The following CSNK1G3 variants were observed in gnomAD, a reference collection of about 807,000 sequenced individuals.
CSNK1G3 encodes casein kinase I isoform gamma-3.
A neutral mutation model predicts 64.3 loss-of-function variants in CSNK1G3; 23 were observed. The observed-to-expected ratio is 0.36, with a 90% CI of 0.26 to 0.51. The LOEUF is 0.51. CSNK1G3 is among the 20% of genes least tolerant of loss of function. The probability of loss-of-function intolerance (pLI) is 0.96; values close to 1 mark genes in which losing one functional copy is unlikely to be tolerated. For synonymous variants in CSNK1G3, 158 were observed against 162.2 expected, an observed-to-expected ratio of 0.97 and a Z score of 0.20; for missense variants, 357 against 510.5, an observed-to-expected ratio of 0.70 and a Z score of 2.90.
chr5:123,593,067 A>G (rs886788545), intron 10 of CSNK1G3, among the ~76,000 whole-genome samples: 13 of 152,018 alleles, frequency 8.6e-5, no homozygotes, highest in African/African-American at 3.1e-4. Context: ...TTATAAATCT[A>G]ATGTTTTAGA....
chr5:123,598,070 A>T (rs1793767961), intron 10 of CSNK1G3, among the ~76,000 whole-genome samples: 2 of 152,192 alleles, frequency 1.3e-5, no homozygotes, highest in South Asian at 4.1e-4. Flanking sequence ...GTCACTAGCT[A>T]AAAAGATACA....
intron 4 of CSNK1G3, among the ~76,000 whole-genome samples, chr5:123,563,694 A>G (rs1259529974): frequency 6.6e-6 from 1 of 152,052 alleles, no homozygotes; most frequent in Non-Finnish European, 1.5e-5. Flanking sequence ...AACTGATTTA[A>G]TTCACAGTTA....
chr5:123,585,349 C>T (rs192636771), intron 6 of CSNK1G3, among the ~76,000 whole-genome samples: 38 of 151,324 alleles, frequency 2.5e-4, no homozygotes, highest in Admixed American at 1.1e-3. Context: ...AATGTAGGAA[C>T]CATAACTATA....
At chr5:123,595,758 CT>C (rs1793321817) in intron 10 of CSNK1G3, among the ~76,000 whole-genome samples, 2 of 151,736 alleles carry the variant, frequency 1.3e-5, no homozygotes, top group South Asian at 4.2e-4. Context: ...TTCTTTTCAC[CT>C]TTTTTATACA....
chr5:123,604,715 T>A lies in CSNK1G3; in HGVS notation c.1087-9T>A, dbSNP rs773216106. 6.3e-7 allele frequency: 1 copy of A among 1,595,046 alleles called. No individual in the cohort carries two copies. The highest frequency in any genetic ancestry group is 1.7e-5 in the Admixed American group (1 of 58,450). ...ATATACATATATAAAAAATTTTTTT[T>A]TCAAACAGGTTGTAAGTTCTACAAA... On this transcript the variant is annotated splice_polypyrimidine_tract_variant and intron_variant, in intron 10 of 12. Transcript: ENST00000345990.
intron 8 of CSNK1G3, among the ~76,000 whole-genome samples, chr5:123,589,729 G>A (rs1791991486): frequency 6.6e-6 from 1 of 151,960 alleles, no homozygotes; most frequent in Non-Finnish European, 1.5e-5. Context: ...GTTTTTGCAT[G>A]TATTAGATAC....
At chr5:123,545,989 G>T in intron 2 of CSNK1G3, 148 bp downstream of exon 2, 1 of 742,018 alleles carries the variant, frequency 1.3e-6, no homozygotes, top group South Asian at 1.9e-5. Flanking sequence ...AATTTCTTTT[G>T]TAGTTGTATT....
intron 5 of CSNK1G3, among the ~76,000 whole-genome samples, chr5:123,573,934 C>G (rs1788624313): frequency 2.7e-5 from 4 of 150,768 alleles, no homozygotes; most frequent in African/African-American, 9.8e-5. Flanking sequence ...ACTGCAACCT[C>G]TGCCTCCCGG....
chr5:123,588,615 G>A (rs1791761346), intron 8 of CSNK1G3, 104 bp downstream of exon 8: 2 of 752,478 alleles, frequency 2.7e-6, no homozygotes, highest in Non-Finnish European at 4.4e-6. Context: ...AAAAAAAAAA[G>A]AGCTAAAAAT....
intron 3 of CSNK1G3, among the ~76,000 whole-genome samples, chr5:123,555,320 T>G (rs976810888): frequency 1.3e-5 from 2 of 152,212 alleles, no homozygotes; most frequent in Non-Finnish European, 2.9e-5. Flanking sequence ...TCACATACAT[T>G]GTTGAATGAT....
rs543353839 is a variant in CSNK1G3 at position 123,609,881 on chromosome 5, T to G, written c.1218-4461T>G. ...TAATGCTTTAGTCAATGGAGAATCA[T>G]TGATGAGATTTGAGAGGAAAAGGGC... is the stretch of plus-strand genomic sequence containing the variant. On this transcript the variant is annotated intron_variant, in intron 12 of 12. Transcript: ENST00000345990. Among the ~76,000 whole-genome samples the G allele has an allele frequency of 2.2e-5, 3 of 136,304 alleles. No individual in the cohort carries two copies. The South Asian group carries it at 8.0e-4, about 36-fold the overall frequency. The allele number at this position is 136,304 out of a possible 152,430, so 89.4% of individuals were successfully genotyped here.
Position 123,581,534 on chromosome 5 carries a change from A to G in CSNK1G3, c.673+5571A>G, listed in dbSNP as rs142687183. ...TCTAAATTAAGAGAACTAGATTTCA[A>G]GAGAACTTTAGGAATTAAGTGAATG... On this transcript the variant is annotated intron_variant, in intron 6 of 12. Coordinates refer to ENST00000345990, the Ensembl canonical transcript of CSNK1G3. Among the ~76,000 whole-genome samples the G allele has an allele frequency of 4.6e-4, 70 of 151,804 alleles. 1 individual carries two copies. The East Asian group carries it at 0.012, about 25-fold the overall frequency.
chr5:123,566,239 A>G (rs928194131), intron 4 of CSNK1G3, among the ~76,000 whole-genome samples: 8 of 152,074 alleles, frequency 5.3e-5, no homozygotes, highest in South Asian at 2.1e-4. Flanking sequence ...AATGAAGTGA[A>G]TTTTGGGGGA....
At chr5:123,529,147 G>C (rs1468678326) in intron 1 of CSNK1G3, among the ~76,000 whole-genome samples, 2 of 152,144 alleles carry the variant, frequency 1.3e-5, no homozygotes, top group African/African-American at 4.8e-5. Flanking sequence ...CTGAGTTCAG[G>C]CATGAGTATA....
At chr5:123,557,587 A>T (rs768974149) in intron 4 of CSNK1G3, 23 bp downstream of exon 4, 1 of 1,442,680 alleles carries the variant, frequency 6.9e-7, no homozygotes, top group East Asian at 2.3e-5. Context: ...ATTAATTTTT[A>T]AATTTGAAAT....
chr5:123,528,697 A>T (rs965501899), intron 1 of CSNK1G3, among the ~76,000 whole-genome samples: 4 of 152,174 alleles, frequency 2.6e-5, no homozygotes, highest in African/African-American at 9.7e-5. Flanking sequence ...TAATTTACTA[A>T]GAGTTGTGTA....
chr5:123,517,479 T>C (rs1342007871), intron 1 of CSNK1G3, among the ~76,000 whole-genome samples: 1 of 151,910 alleles, frequency 6.6e-6, no homozygotes, highest in Non-Finnish European at 1.5e-5. Context: ...CCAAAATCAA[T>C]TATGGTTGAA....
intron 1 of CSNK1G3, among the ~76,000 whole-genome samples, chr5:123,512,818 CG>C (rs995662636): frequency 1.5e-3 from 220 of 148,820 alleles, no homozygotes; most frequent in Non-Finnish European, 2.7e-3. Context: ...TAGGGGGCAG[CG>C]GGGGCCGCGG....
chr5:123,557,318 T>A (rs896562003), intron 3 of CSNK1G3, among the ~76,000 whole-genome samples, 177 bp from the exon 4 acceptor site: 1 of 152,176 alleles, frequency 6.6e-6, no homozygotes, highest in African/African-American at 2.4e-5. Context: ...ATTTGTAGTA[T>A]CATTTTATTT....
Sources: gnomAD v4.1 joint callset for allele counts (sites outside exome capture counted in the v4.1 genomes callset) on GRCh38, gnomAD v4.1.1 for gene constraint, MANE v1.5 for transcripts, NCBI Gene and HGNC (gene_info 2026-07-23, HGNC 2026-07-21) for gene names.